ALG12: variants seen among roughly 807,000 people sequenced by gnomAD.
ALG12 encodes the protein dol-P-Man:Man(7)GlcNAc(2)-PP-Dol alpha-1,6-mannosyltransferase.
A neutral mutation model predicts 46.0 loss-of-function variants in ALG12; 36 were observed. The observed-to-expected ratio is 0.78, with a 90% CI of 0.60 to 1.03. ALG12 has a LOEUF of 1.03. Among genes scored for constraint, ALG12 ranks in the 50% least tolerant of loss-of-function variants. ALG12 has a pLI of 0.00. For missense variants in ALG12, 599 were observed against 633.5 expected (o/e 0.95, Z 0.58); for synonymous variants, 326 against 291.6 (o/e 1.12, Z -1.20).
the ALG12 span, among the ~76,000 whole-genome samples, chr22:49,875,746 C>T: frequency 3.3e-5 from 5 of 152,174 alleles, no homozygotes; most frequent in East Asian, 9.6e-4. Context: ...AGTTGCAGAA[C>T]TTATTTTTAT....
chr22:49,879,579 C>T, the ALG12 span, among the ~76,000 whole-genome samples: 1 of 145,430 alleles, frequency 6.9e-6, no homozygotes, highest in Non-Finnish European at 1.5e-5. Flanking sequence ...GTTGGTTTTT[C>T]TCCTGGTCAG....
In ALG12 at chr22:49,910,032, A is replaced by ACAGC; in HGVS notation, c.522_525dup (p.Ser176AlafsTer160). ...CTGAACACGATGATGGCGAAGGCTG[A>ACAGC]CAGCCAGATGAAGCGGGCCCACTCG... is the stretch of plus-strand genomic sequence containing the variant. On this transcript the variant is annotated frameshift_variant, in exon 5 of 10. Transcript: ENST00000330817. LOFTEE classifies it high-confidence loss of function. 6.2e-7 allele frequency: 1 copy of ACAGC among 1,613,554 alleles called. No individual in the cohort carries two copies. The highest frequency in any genetic ancestry group is 8.5e-7 in the Non-Finnish European group (1 of 1,179,904).
chr22:49,868,052 C>T, the ALG12 span, among the ~76,000 whole-genome samples: 1 of 152,320 alleles, frequency 6.6e-6, no homozygotes. Context: ...TTCACACCAT[C>T]GTAAAGTTGC....
chr22:49,907,696 T>G (rs2060550584), intron 7 of ALG12, 25 bp downstream of exon 7: 2 of 1,605,612 alleles, frequency 1.2e-6, no homozygotes, highest in Admixed American at 1.7e-5. Flanking sequence ...ACTATAAAAA[T>G]GCATGTCACA....
At chr22:49,883,882 T>A in the ALG12 span, 2 of 1,606,580 alleles carry the variant, frequency 1.2e-6, no homozygotes, top group Non-Finnish European at 1.7e-6. Flanking sequence ...CCCGGGGAAG[T>A]ACTTGTCTGC....
the ALG12 span, chr22:49,884,424 G>A: frequency 1.3e-4 from 217 of 1,613,874 alleles, no homozygotes; most frequent in South Asian, 2.0e-3. Flanking sequence ...TGGTGGGGTC[G>A]TCTCCCCACC....
At chr22:49,896,133 A>T (rs977009185), downstream of ALG12, among the ~76,000 whole-genome samples, 14 of 152,208 alleles carry the variant, frequency 9.2e-5, no homozygotes, top group East Asian at 5.8e-4. Flanking sequence ...ACCAGAGGAA[A>T]CCCACTGGTG....
chr22:49,883,616 C>T, the ALG12 span: 1 of 1,476,916 alleles, frequency 6.8e-7, no homozygotes, highest in East Asian at 2.3e-5. Context: ...GCACTTGGAT[C>T]AGTGTTTTAT....
chr22:49,903,998 G>T lies in ALG12; in HGVS notation c.1307C>A (p.Ala436Glu). The T allele has an allele frequency of 6.2e-7, 1 of 1,614,156 alleles. No individual in the cohort carries two copies. Among genetic ancestry groups the T allele is most frequent in the Non-Finnish European group, 8.5e-7 (1 of 1,180,002 alleles). Residue 436 changes from alanine (A) to glutamate (E), a missense_variant, in exon 10 of 10, where the codon GCG (alanine) becomes GAG (glutamate). By Grantham distance (107) the Ala-to-Glu change is moderately radical. Coordinates refer to ENST00000330817, the MANE Select transcript of ALG12 (RefSeq NM_024105.4). ...GTAGAGGGCCAGGAGCCCAGGGGCC[G>T]CCTCCATGAGGATGTGTGTGTATGC... ...MLAYTHILMEAAPGLLALYRD... is the reference protein window; with the variant it reads ...MLAYTHILMEEAPGLLALYRD...
rs572337635 is a variant in ALG12 at position 49,901,186 on chromosome 22, C to G, written c.*2652G>C. On this transcript the variant is annotated 3_prime_UTR_variant, in exon 10 of 10. Coordinates refer to ENST00000330817, the MANE Select transcript of ALG12 (RefSeq NM_024105.4). The stretch of plus-strand genomic sequence containing the variant: ...CCAGCGATAAAAGAGAACAAACGAG[C>G]GTGGATAACCAGTGAATACCTGAGA... The G allele has an allele frequency of 1.3e-5, 2 of 152,352 alleles. No homozygotes were observed. The highest frequency in any genetic ancestry group is 1.3e-4 in the Admixed American group (2 of 15,300). The allele number at this position is 152,352 out of a possible 1,614,324, so 9.4% of individuals were successfully genotyped here.
At position 49,913,379 on chromosome 22, in the gene ALG12, C is replaced by T. The variant is rs368352058; in HGVS notation, c.295+6G>A. The T allele has an allele frequency of 1.7e-5, 27 of 1,613,698 alleles. No individual in the cohort carries two copies. The African/African-American group carries it at 2.1e-4, about 13-fold the overall frequency. On this transcript the variant is annotated splice_donor_region_variant and intron_variant, in intron 3 of 9. Coordinates refer to ENST00000330817, the MANE Select transcript of ALG12 (RefSeq NM_024105.4). ...CTCCCTCCTCCTTTGTTGAAGACCC[C>T]CTTACCTATTAGCTGAGAGTAAAAC...
At chr22:49,862,898 C>T in the ALG12 span, among the ~76,000 whole-genome samples, 2 of 151,896 alleles carry the variant, frequency 1.3e-5, no homozygotes, top group Middle Eastern at 3.2e-3. Context: ...GACAGGGTTT[C>T]ACCCTGTTAG....
In ALG12 at chr22:49,909,939, C is replaced by T. The variant is rs1364895453; in HGVS notation, c.619G>A (p.Val207Ile). 1.9e-6 allele frequency: 3 copies of T among 1,614,134 alleles called. No homozygotes were observed. Among genetic ancestry groups the T allele is most frequent in the South Asian group, 2.2e-5 (2 of 91,092 alleles). The change falls in exon 5 of 10, where the codon GTC becomes ATC. Residue 207 changes from valine (V) to isoleucine (I), a missense_variant. Transcript: ENST00000330817. The stretch of plus-strand genomic sequence containing the variant: ...GGGACGGCGTGGCGAAGGGCTCTGA[C>T]TACAGAAACCTTTCGGTTGCCCAAG... The part of the protein sequence containing the change: ...LALGNRKVSV[V>I]RALRHAVPAG...
At chr22:49,874,715 C>T in the ALG12 span, among the ~76,000 whole-genome samples, 1 of 104,880 alleles carries the variant, frequency 9.5e-6, no homozygotes, top group Non-Finnish European at 1.8e-5. Context: ...GAGTCTCACT[C>T]TGTCGCCAGG....
rs776043296 is a variant in ALG12, at chr22:49,913,521, C to A, written c.163-4G>T. On this transcript the variant is annotated splice_polypyrimidine_tract_variant and splice_region_variant and intron_variant, in intron 2 of 9. Transcript: ENST00000330817. ...CGGGGAACTCAAGATGGTCGTACTG[C>A]GAGGAGAAGGGCAGGTCAGTGCACC... 2 of 1,613,922 alleles carry A rather than the reference C, an allele frequency of 1.2e-6. No homozygotes were observed. Among genetic ancestry groups the A allele is most frequent in the Non-Finnish European group, 8.5e-7 (1 of 1,180,032 alleles).
chr22:49,913,271 G>T, intron 3 of ALG12, 114 bp downstream of exon 3: 1 of 1,515,530 alleles, frequency 6.6e-7, no homozygotes, highest in Non-Finnish European at 9.1e-7. Context: ...GTGATCGAGG[G>T]CAGGCAAGAC....
chr22:49,901,792 GGTATGTATGCATGGT>G lies in ALG12; in HGVS notation c.*2031_*2045del, dbSNP rs2060508636. On this transcript the variant is annotated 3_prime_UTR_variant, in exon 10 of 10. Transcript: ENST00000330817. The stretch of plus-strand genomic sequence containing the variant: ...TAATGTGCACGTGTGCACTGTGTGT[GGTATGTATGCATGGT>G]GTGTGCACGTGTGCACTGTGTGTAT... 7.5e-6 allele frequency: 1 copy of G among 132,462 alleles called. No homozygotes were observed. Among genetic ancestry groups the G allele is most frequent in the Admixed American group, 7.1e-5 (1 of 14,042 alleles). 8.2% of individuals were successfully genotyped at this position (132,462 alleles called of 1,614,324 possible). A position where few individuals can be genotyped will look rare whatever the true frequency, so the allele number is the denominator to read the frequency against.
At chr22:49,863,625 CA>C in the ALG12 span, among the ~76,000 whole-genome samples, 19,289 of 94,230 alleles carry the variant, frequency 0.2, 2,867 homozygotes, top group African/African-American at 0.47. Context: ...GACTCCGTCT[CA>C]AAAAAAAAAA....
chr22:49,874,886 T>A, the ALG12 span, among the ~76,000 whole-genome samples: 1 of 151,986 alleles, frequency 6.6e-6, no homozygotes, highest in Non-Finnish European at 1.5e-5. Context: ...TTTCACCATG[T>A]TGGCCAGGCT....
Sources: gnomAD v4.1 joint callset for allele counts (sites outside exome capture counted in the v4.1 genomes callset) on GRCh38, gnomAD v4.1.1 for gene constraint, MANE v1.5 for transcripts, NCBI Gene and HGNC (gene_info 2026-07-23, HGNC 2026-07-21) for gene names.